Variants in BRIP1 observed in about 807,000 individuals in gnomAD.
BRIP1 encodes the protein BRCA1 interacting DNA helicase 1, also known as Fanconi anemia group J protein.
Under a neutral mutation model 119.7 loss-of-function variants are expected in BRIP1, and 88 were observed. The observed-to-expected ratio is 0.74, with a 90% CI of 0.62 to 0.88. BRIP1 has a LOEUF of 0.88. Among genes scored for constraint, BRIP1 ranks in the 40% least tolerant of loss-of-function variants. The pLI, the probability that BRIP1 is intolerant of heterozygous loss-of-function variation, is 0.00. For synonymous variants in BRIP1, 443 were observed against 496.5 expected, an observed-to-expected ratio of 0.89 and a Z score of 1.43; for missense variants, 1,259 against 1,455.4, an observed-to-expected ratio of 0.87 and a Z score of 2.20.
chr17:61,688,198 G>A (rs1415013781), intron 18 of BRIP1, among the ~76,000 whole-genome samples: 2 of 152,158 alleles, frequency 1.3e-5, no homozygotes, highest in Non-Finnish European at 2.9e-5. Context: ...AGAGAGTCAG[G>A]CGTGATGGCT....
chr17:61,694,926 A>G (rs2061499994), intron 17 of BRIP1, among the ~76,000 whole-genome samples: 1 of 149,868 alleles, frequency 6.7e-6, no homozygotes, highest in South Asian at 2.1e-4. Flanking sequence ...TGGATACTAG[A>G]TCCTGCTACA....
rs370781918 is a variant in BRIP1 at position 61,843,862 on chromosome 17, A to G, written c.627+3239T>C. The stretch of plus-strand genomic sequence containing the variant: ...GGCTGTAGTAATAATTTCACTATGT[A>G]TATATATATTAAAACATCATGTTTT... On this transcript the variant is annotated intron_variant, in intron 6 of 19. Transcript: ENST00000259008. The surrounding 1 kb of genome is among the most constrained non-coding windows in gnomAD (Gnocchi z 5.7). Among the ~76,000 whole-genome samples, 19 of 152,080 alleles carry G rather than the reference A, an allele frequency of 1.2e-4. No individual in the cohort carries two copies. The highest frequency in any genetic ancestry group is 3.9e-4 in the East Asian group (2 of 5,194).
intron 11 of BRIP1, 116 bp downstream of exon 11, chr17:61,784,154 C>T: frequency 1.1e-6 from 1 of 876,494 alleles, no homozygotes; most frequent in Admixed American, 2.2e-5. Flanking sequence ...ATATCTATAA[C>T]ACTTGTTTTC....
chr17:61,829,270 C>T (rs1263294222), intron 6 of BRIP1, among the ~76,000 whole-genome samples: 1 of 151,806 alleles, frequency 6.6e-6, no homozygotes, highest in Admixed American at 6.6e-5. Context: ...AAACATTAAT[C>T]CTAAGAAAGC....
rs72841539 is a variant in BRIP1 at position 61,681,170 on chromosome 17, G to A, written c.*2126C>T. 4.1e-5 allele frequency: 8 copies of A among 194,126 alleles called. No individual in the cohort carries two copies. The highest frequency in any genetic ancestry group is 8.6e-5 in the Non-Finnish European group (8 of 93,374). 12.0% of individuals were successfully genotyped at this position (194,126 alleles called of 1,614,324 possible). On this transcript the variant is annotated 3_prime_UTR_variant, in exon 20 of 20. Transcript: ENST00000259008. The surrounding 1 kb of genome is among the most constrained non-coding windows in gnomAD (Gnocchi z 5.1). ...CACTGGGTCCTTCCCACAACACGTC[G>A]GGATTATGGGAACTACAATTCAAGA...
intron 14 of BRIP1, among the ~76,000 whole-genome samples, chr17:61,765,860 C>CACACACACAG (rs1396071976): frequency 6.6e-6 from 1 of 151,346 alleles, no homozygotes; most frequent in East Asian, 1.9e-4. Flanking sequence ...CACACACACA[C>CACACACACAG]AGAGCAAAAA....
chr17:61,849,266 G>A lies in BRIP1; in HGVS notation c.380-10C>T, dbSNP rs1187614578. 2.5e-6 allele frequency: 4 copies of A among 1,604,334 alleles called. No individual in the cohort carries two copies. Among genetic ancestry groups the A allele is most frequent in the Admixed American group, 1.7e-5 (1 of 58,854 alleles). On this transcript the variant is annotated splice_polypyrimidine_tract_variant and intron_variant, in intron 4 of 19. Coordinates refer to ENST00000259008, the MANE Select transcript of BRIP1 (RefSeq NM_032043.3). ...GTTTTTTCAGGGGAGTCTTATATAAGTAATTTAAAAAAAACAGCATAAATA... is the reference window on the plus strand; with the variant it reads ...GTTTTTTCAGGGGAGTCTTATATAAATAATTTAAAAAAAACAGCATAAATA...
Position 61,724,537 on chromosome 17 carries a change from T to C in BRIP1, c.2380-8474A>G, listed in dbSNP as rs1206673090. Reference sequence around the variant, plus strand: ...TATCAGTAGCTTCTGAAAAAATAAATGGTGTGATAAATATGAGCTAGAACT... The same window carrying C: ...TATCAGTAGCTTCTGAAAAAATAAACGGTGTGATAAATATGAGCTAGAACT... On this transcript the variant is annotated intron_variant, in intron 16 of 19. Coordinates refer to ENST00000259008, the MANE Select transcript of BRIP1 (RefSeq NM_032043.3). The surrounding 1 kb of genome is among the most constrained non-coding windows in gnomAD (Gnocchi z 5.1). 6.6e-6 allele frequency among the ~76,000 whole-genome samples: 1 copy of C among 152,156 alleles called. No homozygotes were observed. The highest frequency in any genetic ancestry group is 1.5e-5 in the Non-Finnish European group (1 of 68,002).
Position 61,789,818 on chromosome 17 carries a change from G to T in BRIP1, c.1473+3779C>A. Among the ~76,000 whole-genome samples, 1 of 152,110 alleles carries T rather than the reference G, an allele frequency of 6.6e-6. No individual in the cohort carries two copies. Among genetic ancestry groups the T allele is most frequent in the East Asian group, 1.9e-4 (1 of 5,200 alleles). On this transcript the variant is annotated intron_variant, in intron 10 of 19. Transcript: ENST00000259008. This position sits in a 1 kb window ranked among gnomAD's most constrained non-coding sequence, Gnocchi z 4.8. Reference sequence around the variant, plus strand: ...ATATATTTATAATAAGCAAATATGGGCATAGAAGAAGGCATAAGTAGACAT... The same window carrying T: ...ATATATTTATAATAAGCAAATATGGTCATAGAAGAAGGCATAAGTAGACAT...
Position 61,710,693 on chromosome 17 carries a change from G to A in BRIP1, c.2492+5258C>T, listed in dbSNP as rs183903538. Among the ~76,000 whole-genome samples the A allele has an allele frequency of 6.6e-6, 1 of 152,248 alleles. No individual in the cohort carries two copies. Among genetic ancestry groups the A allele is most frequent in the East Asian group, 1.9e-4 (1 of 5,190 alleles). ...GGTAGAGGATAAGGATGAAAAAGCA[G>A]GTATTACAGTTTTAGAAATGGATGG... On this transcript the variant is annotated intron_variant, in intron 17 of 19. Transcript: ENST00000259008. This position sits in a 1 kb window ranked among gnomAD's most constrained non-coding sequence, Gnocchi z 5.4.
At position 61,842,170 on chromosome 17, in the gene BRIP1, A is replaced by G. The variant is rs1278013825; in HGVS notation, c.627+4931T>C. On this transcript the variant is annotated intron_variant, in intron 6 of 19. Transcript: ENST00000259008. This position sits in a 1 kb window ranked among gnomAD's most constrained non-coding sequence, Gnocchi z 5.1. ...GTAAGCCTGGAAGATATTAAGTGAA[A>G]TAAGTCAGGCATAGGCAGGTAAGTA... is the stretch of plus-strand genomic sequence containing the variant. 6.6e-6 allele frequency among the ~76,000 whole-genome samples: 1 copy of G among 152,186 alleles called. No individual in the cohort carries two copies. Among genetic ancestry groups the G allele is most frequent in the Non-Finnish European group, 1.5e-5 (1 of 68,026 alleles).
At chr17:61,694,643 C>T (rs75681459) in intron 17 of BRIP1, among the ~76,000 whole-genome samples, 5,029 of 151,996 alleles carry the variant, frequency 0.033, 320 homozygotes, top group African/African-American at 0.12. Flanking sequence ...CCACCACCTA[C>T]GTACAAGGGT....
At position 61,687,818 on chromosome 17, in the gene BRIP1, C is replaced by T. The variant is rs969423789; in HGVS notation, c.2576-1653G>A. 4.6e-5 allele frequency among the ~76,000 whole-genome samples: 7 copies of T among 152,076 alleles called. No individual in the cohort carries two copies. Among genetic ancestry groups the T allele is most frequent in the African/African-American group, 1.7e-4 (7 of 41,390 alleles). ...GTCATGATCCCCACTTCAGAATATA[C>T]CTGGCTGCTTCTTCCTGGGGAGAAA... On this transcript the variant is annotated intron_variant, in intron 18 of 19. Transcript: ENST00000259008. This position sits in a 1 kb window ranked among gnomAD's most constrained non-coding sequence, Gnocchi z 5.1.
rs753023295 is a variant in BRIP1, at chr17:61,780,858, C to A, written c.1776G>T (p.Trp592Cys). The change falls in exon 12 of 20, where the codon TGG (tryptophan) becomes TGT (cysteine). Residue 592 changes from tryptophan to cysteine, a missense_variant. Trp to Cys is a radical substitution (Grantham distance 215). Around this residue, in one of 3 missense-constraint regions of BRIP1, gnomAD observed 753 missense variants for 891.8 expected, o/e 0.84. Transcript: ENST00000259008. This position sits in a 1 kb window ranked among gnomAD's most constrained non-coding sequence, Gnocchi z 5.4. Reference sequence around the variant, plus strand: ...AGCTTACCACAGCTGGATTTAAGCACCAAAAGTTTAGCACATGAACTGCAG... The same window carrying A: ...AGCTTACCACAGCTGGATTTAAGCAACAAAAGTTTAGCACATGAACTGCAG... ...QKTAVHVLNF[W>C]CLNPAVAFSD... 1 of 1,614,184 alleles carries A rather than the reference C, an allele frequency of 6.2e-7. No homozygotes were observed. The highest frequency in any genetic ancestry group is 8.5e-7 in the Non-Finnish European group (1 of 1,180,026).
Position 61,849,256 on chromosome 17 carries a change from T to A in BRIP1, c.380A>T (p.Asp127Val), listed in dbSNP as rs1170174893. The A allele has an allele frequency of 6.2e-7, 1 of 1,611,216 alleles. No individual in the cohort carries two copies. The highest frequency in any genetic ancestry group is 1.1e-5 in the South Asian group (1 of 90,708). ...ERNGTSSTCQ[D>V]SPEKTTLAAK... Reference sequence around the variant, plus strand: ...AGCCAGAGTGGTTTTTTCAGGGGAGTCTTATATAAGTAATTTAAAAAAAAC... The same window carrying A: ...AGCCAGAGTGGTTTTTTCAGGGGAGACTTATATAAGTAATTTAAAAAAAAC... Residue 127 changes from aspartate to valine, a missense_variant and splice_region_variant, in exon 5 of 20, where the codon GAC (aspartate) becomes GTC (valine). By Grantham distance (152) the Asp-to-Val change is radical (BLOSUM62 -3). Around this residue, in one of 3 missense-constraint regions of BRIP1, gnomAD observed 501 missense variants for 544.0 expected, o/e 0.92. Transcript: ENST00000259008.
In BRIP1 at chr17:61,834,456, T is replaced by C. The variant is rs1244875591; in HGVS notation, c.627+12645A>G. ...TCTCTATGGTGGAAATGTTTACATA[T>C]ATACTCAGTTGATACTGGGTATATA... On this transcript the variant is annotated intron_variant, in intron 6 of 19. Coordinates refer to ENST00000259008, the MANE Select transcript of BRIP1 (RefSeq NM_032043.3). This position sits in a 1 kb window ranked among gnomAD's most constrained non-coding sequence, Gnocchi z 4.4. Among the ~76,000 whole-genome samples the C allele has an allele frequency of 6.6e-6, 1 of 152,080 alleles. No individual in the cohort carries two copies. The highest frequency in any genetic ancestry group is 2.4e-5 in the African/African-American group (1 of 41,392).
rs2077993684 is a variant in BRIP1, at chr17:61,801,465, A to C, written c.928T>G (p.Cys310Gly). 1 of 1,609,512 alleles carries C rather than the reference A, an allele frequency of 6.2e-7. No homozygotes were observed. The change falls in exon 8 of 20, where the codon TGC becomes GGC. Residue 310 changes from cysteine (C) to glycine (G), a missense_variant. By Grantham distance (159) the Cys-to-Gly change is radical. Around this residue, in one of 3 missense-constraint regions of BRIP1, gnomAD observed 501 missense variants for 544.0 expected, o/e 0.92. Coordinates refer to ENST00000259008, the MANE Select transcript of BRIP1 (RefSeq NM_032043.3). The part of the protein sequence containing the change: ...ELLDGKNGKS[C>G]YFYHGVHKIS... ...TTATGAACTCCATGATAAAAATAGCAGGATTTTCCCTAGAAACAAATATGC... is the reference window on the plus strand; with the variant it reads ...TTATGAACTCCATGATAAAAATAGCCGGATTTTCCCTAGAAACAAATATGC...
rs1567775466 is a variant in BRIP1 at position 61,738,235 on chromosome 17, T to C, written c.2379+4778A>G. On this transcript the variant is annotated intron_variant, in intron 16 of 19. Transcript: ENST00000259008. This position sits in a 1 kb window ranked among gnomAD's most constrained non-coding sequence, Gnocchi z 4.2. ...CCAGAGATGTATGACCTGTAATAAA[T>C]GATTGCTGTTTTAAGTCACTAAGTT... Among the ~76,000 whole-genome samples, 1 of 152,190 alleles carries C rather than the reference T, an allele frequency of 6.6e-6. No individual in the cohort carries two copies. The highest frequency in any genetic ancestry group is 6.5e-5 in the Admixed American group (1 of 15,282).
rs2077193490 is a variant in BRIP1, at chr17:61,755,826, G to C, written c.2098-11235C>G. 6.6e-6 allele frequency among the ~76,000 whole-genome samples: 1 copy of C among 152,156 alleles called. No homozygotes were observed. Among genetic ancestry groups the C allele is most frequent in the Non-Finnish European group, 1.5e-5 (1 of 68,026 alleles). On this transcript the variant is annotated intron_variant, in intron 14 of 19. Transcript: ENST00000259008. The surrounding 1 kb of genome is among the most constrained non-coding windows in gnomAD (Gnocchi z 4.5). The stretch of plus-strand genomic sequence containing the variant: ...GGATACTAAGTCTGAGATACTGCAA[G>C]TTACGAGAGGAAAGGATGGTCACAA...
Sources: allele counts gnomAD v4.1 joint callset (sites outside exome capture counted in the v4.1 genomes callset), GRCh38; gene constraint gnomAD v4.1.1; regional missense constraint gnomAD v4.1.1; non-coding constraint Gnocchi (gnomAD v3.1); transcripts MANE v1.5; gene names NCBI Gene and HGNC (gene_info 2026-07-23, HGNC 2026-07-21).